The following MYO16 variants were observed in gnomAD, a reference collection of about 807,000 sequenced individuals.
MYO16 encodes unconventional myosin-XVI.
In MYO16, 94 loss-of-function variants were observed where a neutral mutation model predicts 205.3. That is an observed-to-expected ratio of 0.46 (90% CI 0.39 to 0.54). The LOEUF (loss-of-function observed/expected upper bound fraction) is 0.54. Among genes scored for constraint, MYO16 ranks in the 20% least tolerant of loss-of-function variants. The pLI is 0.00. For synonymous variants in MYO16, 988 were observed against 954.0 expected (o/e 1.04, Z -0.66); for missense variants, 2,315 against 2,387.5 (o/e 0.97, Z 0.63).
At chr13:108,875,687 A>C (rs536731599) in intron 12 of MYO16, among the ~76,000 whole-genome samples, 2 of 152,266 alleles carry the variant, frequency 1.3e-5, no homozygotes, top group East Asian at 3.9e-4. Context: ...ATTTAAATAA[A>C]TAAAATTTAA....
At chr13:109,079,159 T>C (rs1888205887) in intron 27 of MYO16, among the ~76,000 whole-genome samples, 1 of 152,194 alleles carries the variant, frequency 6.6e-6, no homozygotes, top group African/African-American at 2.4e-5. Context: ...GAAACTTCCA[T>C]GAAGTCAGCT....
intron 1 of MYO16, among the ~76,000 whole-genome samples, chr13:108,642,892 C>T (rs977219285): frequency 5.9e-5 from 9 of 152,148 alleles, no homozygotes; most frequent in Non-Finnish European, 8.8e-5. Context: ...TAACTGAATC[C>T]CCTCAGTATT....
intron 3 of MYO16, among the ~76,000 whole-genome samples, chr13:108,714,612 G>A (rs140037886): frequency 0.01 from 1,429 of 140,904 alleles, 11 homozygotes; most frequent in East Asian, 0.048. Flanking sequence ...GTGTGTGTGT[G>A]TATATATATA....
intron 34 of MYO16, among the ~76,000 whole-genome samples, chr13:109,183,199 C>T (rs972686549): frequency 2.6e-5 from 4 of 152,040 alleles, no homozygotes; most frequent in African/African-American, 7.2e-5. Flanking sequence ...AGAAGTAACT[C>T]GGTGGTGAGA....
intron 27 of MYO16, among the ~76,000 whole-genome samples, chr13:109,091,666 C>T (rs2139691494): frequency 6.6e-6 from 1 of 152,340 alleles, no homozygotes; most frequent in Admixed American, 6.5e-5. Context: ...GGCTCCCATC[C>T]AGTCCTTTCT....
chr13:108,918,390 C>A (rs1234016802), intron 16 of MYO16, among the ~76,000 whole-genome samples: 1 of 152,232 alleles, frequency 6.6e-6, no homozygotes, highest in Non-Finnish European at 1.5e-5. Context: ...TCAGGCACAA[C>A]ACTCAGTAAT....
intron 32 of MYO16, among the ~76,000 whole-genome samples, chr13:109,149,712 C>T (rs1438894783): frequency 2.6e-5 from 4 of 152,098 alleles, no homozygotes; most frequent in Non-Finnish European, 5.9e-5. Flanking sequence ...CTTCGTGTGC[C>T]CCCTGCCTTC....
intron 32 of MYO16, among the ~76,000 whole-genome samples, chr13:109,146,399 A>G (rs898508400): frequency 2.0e-5 from 3 of 152,196 alleles, no homozygotes; most frequent in Non-Finnish European, 4.4e-5. Context: ...TAAAGAATAG[A>G]TTAATGAACC....
At chr13:108,692,891 C>G (rs756483471) in intron 2 of MYO16, among the ~76,000 whole-genome samples, 1 of 152,096 alleles carries the variant, frequency 6.6e-6, no homozygotes. Flanking sequence ...GAACTAGCTC[C>G]GTCTCCATGG....
the MYO16 span, among the ~76,000 whole-genome samples, chr13:108,506,349 G>A: frequency 6.6e-6 from 1 of 151,998 alleles, no homozygotes; most frequent in Non-Finnish European, 1.5e-5. Flanking sequence ...GCAATGTTTT[G>A]TAGATTTTAG....
At chr13:108,621,759 TCATCTCA>T (rs1270243933) in intron 1 of MYO16, among the ~76,000 whole-genome samples, 1 of 152,140 alleles carries the variant, frequency 6.6e-6, no homozygotes, top group Non-Finnish European at 1.5e-5. Context: ...AGGCATTTTA[TCATCTCA>T]CATCATCACA....
At chr13:109,032,499 C>T (rs960354999) in intron 23 of MYO16, among the ~76,000 whole-genome samples, 25 of 152,326 alleles carry the variant, frequency 1.6e-4, no homozygotes, top group Middle Eastern at 6.8e-3. Context: ...AGCCTCCCTT[C>T]TCTTGACTTA....
At chr13:109,077,791 G>A (rs1888156490) in intron 27 of MYO16, among the ~76,000 whole-genome samples, 1 of 152,090 alleles carries the variant, frequency 6.6e-6, no homozygotes. Flanking sequence ...TTGTGCTTAA[G>A]CTTCATCAGG....
chr13:109,206,470 A>T (rs1880601519), intron 34 of MYO16, 139 bp from the exon 35 acceptor site: 2 of 638,652 alleles, frequency 3.1e-6, no homozygotes, highest in Non-Finnish European at 5.5e-6. Flanking sequence ...CAGAGGCAGC[A>T]GTGCATGGAG....
At chr13:108,941,738 A>G (rs1263054099) in intron 16 of MYO16, among the ~76,000 whole-genome samples, 2 of 151,884 alleles carry the variant, frequency 1.3e-5, no homozygotes, top group Non-Finnish European at 2.9e-5. Flanking sequence ...GGGCCAGAAA[A>G]TGGCTATGGA....
chr13:108,793,907 T>C (rs568167627), intron 6 of MYO16, among the ~76,000 whole-genome samples: 1 of 152,228 alleles, frequency 6.6e-6, no homozygotes, highest in Admixed American at 6.5e-5. Context: ...CCGTTTATAA[T>C]AGCAAAGACA....
At chr13:109,020,648 A>ATC (rs1430141283) in intron 23 of MYO16, among the ~76,000 whole-genome samples, 1 of 152,138 alleles carries the variant, frequency 6.6e-6, no homozygotes, top group Non-Finnish European at 1.5e-5. Flanking sequence ...TCAGTATTAA[A>ATC]TCCATGTTTG....
chr13:108,663,550 A>G (rs1421788227), intron 1 of MYO16, among the ~76,000 whole-genome samples: 1 of 152,196 alleles, frequency 6.6e-6, no homozygotes, highest in African/African-American at 2.4e-5. Context: ...CTTAAAATTT[A>G]ACAATTATGG....
chr13:108,841,745 A>G (rs949760233), intron 9 of MYO16, among the ~76,000 whole-genome samples: 1 of 152,170 alleles, frequency 6.6e-6, no homozygotes, highest in African/African-American at 2.4e-5. Context: ...TTTGTATGGA[A>G]CTACAAAAAC....
Sources: allele counts gnomAD v4.1 joint callset (sites outside exome capture counted in the v4.1 genomes callset), GRCh38; gene constraint gnomAD v4.1.1; transcripts MANE v1.5; gene names NCBI Gene and HGNC (gene_info 2026-07-23, HGNC 2026-07-21).